The following SIGLEC15 variants were observed in gnomAD, a reference collection of about 807,000 sequenced individuals.
SIGLEC15 encodes sialic acid-binding Ig-like lectin 15.
SIGLEC15 carries 31 observed loss-of-function variants against 26.2 expected under a neutral mutation model. The observed-to-expected ratio is 1.18, with a 90% CI of 0.89 to 1.60. The LOEUF (loss-of-function observed/expected upper bound fraction) is 1.60, where lower values mean the gene tolerates loss of function less well. Among genes scored for constraint, SIGLEC15 ranks in the 40% most tolerant of loss-of-function variants. The probability of loss-of-function intolerance (pLI) is 0.00; values close to 1 mark genes in which losing one functional copy is unlikely to be tolerated. For synonymous variants in SIGLEC15, 207 were observed against 221.9 expected, an observed-to-expected ratio of 0.93 and a Z score of 0.60; for missense variants, 501 against 488.4, an observed-to-expected ratio of 1.03 and a Z score of -0.24.
intron 1 of SIGLEC15, among the ~76,000 whole-genome samples, chr18:45,830,498 C>T (rs2048225404): frequency 6.6e-6 from 1 of 152,050 alleles, no homozygotes; most frequent in African/African-American, 2.4e-5. Flanking sequence ...CTATGAAAGA[C>T]CATCAAGGCA....
intron 1 of SIGLEC15, among the ~76,000 whole-genome samples, chr18:45,834,677 A>T (rs1380805887): frequency 6.6e-6 from 1 of 152,242 alleles, no homozygotes; most frequent in African/African-American, 2.4e-5. Flanking sequence ...GGCTGATAAG[A>T]TATCCTGTCC....
intron 1 of SIGLEC15, among the ~76,000 whole-genome samples, chr18:45,829,449 A>T (rs1182445944): frequency 6.6e-6 from 1 of 152,210 alleles, no homozygotes; most frequent in Non-Finnish European, 1.5e-5. Flanking sequence ...GCCCAGAGAA[A>T]GATTTGCAGG....
intron 1 of SIGLEC15, among the ~76,000 whole-genome samples, 196 bp from the exon 2 acceptor site, chr18:45,836,833 C>G (rs1173284071): frequency 6.6e-6 from 1 of 152,232 alleles, no homozygotes; most frequent in Non-Finnish European, 1.5e-5. Flanking sequence ...TGTTTCCTCT[C>G]TGTAAGTGGA....
At chr18:45,832,639 G>A (rs2048244679) in intron 1 of SIGLEC15, among the ~76,000 whole-genome samples, 1 of 152,146 alleles carries the variant, frequency 6.6e-6, no homozygotes, top group Admixed American at 6.5e-5. Context: ...GGAAGAATGT[G>A]GGTCTCCTGA....
chr18:45,838,172 A>G (rs1263117743), intron 3 of SIGLEC15, among the ~76,000 whole-genome samples: 1 of 152,218 alleles, frequency 6.6e-6, no homozygotes, highest in Non-Finnish European at 1.5e-5. Context: ...AGTGGCTCTC[A>G]GACGAAGAGG....
intron 1 of SIGLEC15, among the ~76,000 whole-genome samples, chr18:45,827,835 T>C (rs73953903): frequency 0.019 from 2,859 of 152,294 alleles, 101 homozygotes; most frequent in African/African-American, 0.065. Context: ...TCAGCTGCTA[T>C]GAATCAGCAA....
chr18:45,837,748 G>C lies in SIGLEC15; in HGVS notation c.348G>C (p.Leu116=), dbSNP rs1347436271. Residue 116 remains leucine (L), a synonymous_variant, in exon 3 of 6, where the codon CTG becomes CTC. Coordinates refer to ENST00000389474, the MANE Select transcript of SIGLEC15 (RefSeq NM_213602.3). ...TALSLHGRFR[L]LGNPRRNDLS... is the part of the protein sequence containing the mutation. ...TGAGCCTGCACGGCCGCTTCCGGCT[G>C]CTGGGCAACCCGCGCCGCAACGACC... 6.6e-7 allele frequency: 1 copy of C among 1,514,678 alleles called. No individual in the cohort carries two copies. The highest frequency in any genetic ancestry group is 1.2e-5 in the South Asian group (1 of 82,266). The allele number at this position is 1,514,678 out of a possible 1,614,324, so 93.8% of individuals were successfully genotyped here.
chr18:45,838,776 G>C lies in SIGLEC15; in HGVS notation c.555G>C (p.Ala185=), dbSNP rs771682979. 1 of 1,570,348 alleles carries C rather than the reference G, an allele frequency of 6.4e-7. No homozygotes were observed. The highest frequency in any genetic ancestry group is 8.6e-7 in the Non-Finnish European group (1 of 1,166,086). Residue 185 remains alanine (A), a synonymous_variant, in exon 4 of 6, where the codon GCG becomes GCC. Coordinates refer to ENST00000389474, the MANE Select transcript of SIGLEC15 (RefSeq NM_213602.3). The part of the protein sequence containing the change: ...VLPSPAHAFR[A]LCTAEGEPPP... ...CCAGTCCGGCTCACGCCTTCCGCGC[G>C]CTCTGCACTGCCGAAGGGGAGCCGC...
At chr18:45,826,707 C>T (rs2048187508) in intron 1 of SIGLEC15, among the ~76,000 whole-genome samples, 1 of 152,170 alleles carries the variant, frequency 6.6e-6, no homozygotes, top group Admixed American at 6.5e-5. Context: ...TCAACATTCC[C>T]TGTATGGGGT....
intron 1 of SIGLEC15, among the ~76,000 whole-genome samples, chr18:45,832,305 G>A (rs1410508152): frequency 5.3e-5 from 8 of 151,784 alleles, no homozygotes; most frequent in Admixed American, 4.6e-4. Flanking sequence ...AGGAGCCTAG[G>A]ACGTGCCAGG....
intron 1 of SIGLEC15, among the ~76,000 whole-genome samples, chr18:45,836,020 C>T (rs558489331): frequency 2.0e-5 from 3 of 152,092 alleles, no homozygotes; most frequent in South Asian, 2.1e-4. Flanking sequence ...TGTGGGCGGC[C>T]GGAGATTTTG....
chr18:45,825,900 G>A (rs2048181408), intron 1 of SIGLEC15, 120 bp downstream of exon 1: 4 of 1,221,070 alleles, frequency 3.3e-6, no homozygotes, highest in Non-Finnish European at 4.7e-6. Context: ...GGCCTGTGGA[G>A]GAGGAAGAGC....
chr18:45,841,838 C>T (rs937213571), intron 5 of SIGLEC15, among the ~76,000 whole-genome samples: 1 of 152,100 alleles, frequency 6.6e-6, no homozygotes, highest in Non-Finnish European at 1.5e-5. Context: ...CCGGAGATTC[C>T]GATTTGTAGG....
chr18:45,838,115 G>A (rs1034839338), intron 3 of SIGLEC15, among the ~76,000 whole-genome samples: 1 of 152,228 alleles, frequency 6.6e-6, no homozygotes, highest in Non-Finnish European at 1.5e-5. Context: ...GGCTGAGGTG[G>A]GCCCGGGAAT....
At chr18:45,836,402 C>A (rs1660852066) in intron 1 of SIGLEC15, among the ~76,000 whole-genome samples, 4 of 150,904 alleles carry the variant, frequency 2.7e-5, no homozygotes, top group Non-Finnish European at 1.5e-5. Context: ...TGAACTGCAC[C>A]CTGGGGCACC....
chr18:45,837,178 T>G, intron 2 of SIGLEC15, 90 bp downstream of exon 2: 1 of 1,559,584 alleles, frequency 6.4e-7, no homozygotes, highest in Non-Finnish European at 8.7e-7. Context: ...GGGCAGGTTT[T>G]GATGGGGAAA....
intron 1 of SIGLEC15, among the ~76,000 whole-genome samples, chr18:45,830,044 G>C (rs2048220159): frequency 6.6e-6 from 1 of 152,160 alleles, no homozygotes; most frequent in Non-Finnish European, 1.5e-5. Context: ...CATCCACAGA[G>C]AGCAAGTGAC....
chr18:45,825,700 C>G lies in SIGLEC15; in HGVS notation c.-29C>G. On this transcript the variant is annotated 5_prime_UTR_variant, in exon 1 of 6. Transcript: ENST00000389474. The stretch of plus-strand genomic sequence containing the variant: ...ACTGGGGAGGTGGCCGAGAGCGGGT[C>G]TGGCCTGGGGTGTTCAGATGCTCAC... 6.2e-7 allele frequency: 1 copy of G among 1,612,476 alleles called. No individual in the cohort carries two copies. The highest frequency in any genetic ancestry group is 8.5e-7 in the Non-Finnish European group (1 of 1,178,616).
Position 45,837,590 on chromosome 18 carries a change from T to C in SIGLEC15, c.190T>C (p.Cys64Arg), listed in dbSNP as rs749362975. 1.3e-6 allele frequency: 2 copies of C among 1,512,938 alleles called. No individual in the cohort carries two copies. Among genetic ancestry groups the C allele is most frequent in the Non-Finnish European group, 1.8e-6 (2 of 1,138,102 alleles). The allele number at this position is 1,512,938 out of a possible 1,614,324, so 93.7% of individuals were successfully genotyped here. A position where few individuals can be genotyped will look rare whatever the true frequency, so the allele number is the denominator to read the frequency against. Residue 64 changes from cysteine to arginine, a missense_variant, in exon 3 of 6, where the codon TGC becomes CGC. Transcript: ENST00000389474. ...GGCAGGCGACGCGGCAGTGCTGCCC[T>C]GCACCTTCACGCACCCGCACCGCCA... ...AEAGDAAVLP[C>R]TFTHPHRHYD... is the part of the protein sequence containing the mutation.
Sources: allele counts gnomAD v4.1 joint callset (sites outside exome capture counted in the v4.1 genomes callset), GRCh38; gene constraint gnomAD v4.1.1; transcripts MANE v1.5; gene names NCBI Gene and HGNC (gene_info 2026-07-23, HGNC 2026-07-21).